TMEM132C: variants seen among roughly 807,000 people sequenced by gnomAD.
TMEM132C encodes transmembrane protein 132C.
A neutral mutation model predicts 61.4 loss-of-function variants in TMEM132C; 29 were observed. The observed-to-expected ratio is 0.47, with a 90% CI of 0.35 to 0.64. TMEM132C has a LOEUF of 0.64. Among genes scored for constraint, TMEM132C ranks in the 30% least tolerant of loss-of-function variants. TMEM132C has a pLI of 0.00. For synonymous variants in TMEM132C, 656 were observed against 633.1 expected, an observed-to-expected ratio of 1.04 and a Z score of -0.54; for missense variants, 1,408 against 1,476.9, an observed-to-expected ratio of 0.95 and a Z score of 0.76.
intron 1 of TMEM132C, among the ~76,000 whole-genome samples, chr12:128,367,062 A>G (rs1288113142): frequency 1.3e-5 from 2 of 152,234 alleles, no homozygotes; most frequent in East Asian, 3.9e-4. Flanking sequence ...ATGGAACCAG[A>G]CTTGGGAAGA....
chr12:128,608,353 A>T (rs998829179), intron 3 of TMEM132C, among the ~76,000 whole-genome samples: 1 of 152,058 alleles, frequency 6.6e-6, no homozygotes, highest in African/African-American at 2.4e-5. Context: ...ATCTCTTAAG[A>T]CTCCCAACAG....
chr12:128,622,887 C>T (rs1953981302), intron 4 of TMEM132C, among the ~76,000 whole-genome samples: 1 of 152,122 alleles, frequency 6.6e-6, no homozygotes, highest in African/African-American at 2.4e-5. Flanking sequence ...TTGTAACTCT[C>T]TAAGAGAATT....
chr12:128,337,640 C>T (rs117960940), intron 1 of TMEM132C, among the ~76,000 whole-genome samples: 1,612 of 152,218 alleles, frequency 0.011, 29 homozygotes, highest in East Asian at 0.033. Flanking sequence ...GTTGCAAACC[C>T]GGGGAGGTCT....
intron 3 of TMEM132C, among the ~76,000 whole-genome samples, chr12:128,581,270 ATT>A (rs1875326043): frequency 6.7e-6 from 1 of 150,302 alleles, no homozygotes; most frequent in Admixed American, 6.6e-5. Context: ...TTTTTTTTTA[ATT>A]TTTCCTTTTA....
chr12:128,333,992 G>A (rs1165636423), intron 1 of TMEM132C, among the ~76,000 whole-genome samples: 1 of 151,998 alleles, frequency 6.6e-6, no homozygotes, highest in Non-Finnish European at 1.5e-5. Flanking sequence ...TGGTGTGTGT[G>A]TGCATGCATG....
At chr12:128,359,004 A>G (rs1873608637) in intron 1 of TMEM132C, among the ~76,000 whole-genome samples, 1 of 152,168 alleles carries the variant, frequency 6.6e-6, no homozygotes. Context: ...ACATCAACAC[A>G]TCCAGTGCTC....
chr12:128,705,873 C>G lies in TMEM132C; in HGVS notation c.2905C>G (p.His969Asp). ...AGGTCAGGCCTCCATGACCCACTCT[C>G]ACGACTGGGTGTGGCTTGGCAATGA... is the stretch of plus-strand genomic sequence containing the variant. ...LEGQASMTHS[H>D]DWVWLGNEAE... Residue 969 changes from histidine (H) to aspartate (D), a missense_variant, in exon 9 of 9, where the codon CAC (histidine) becomes GAC (aspartate). Physicochemically the swap from His to Asp is moderately conservative, Grantham distance 81 (BLOSUM62 -1). Coordinates refer to ENST00000435159, the MANE Select transcript of TMEM132C (RefSeq NM_001136103.3). 2 of 1,551,658 alleles carry G rather than the reference C, an allele frequency of 1.3e-6. No individual in the cohort carries two copies. The highest frequency in any genetic ancestry group is 1.7e-6 in the Non-Finnish European group (2 of 1,147,020).
chr12:128,524,975 G>A (rs1267881618), intron 2 of TMEM132C, among the ~76,000 whole-genome samples: 1 of 152,204 alleles, frequency 6.6e-6, no homozygotes, highest in Non-Finnish European at 1.5e-5. Flanking sequence ...GCCCACTGTA[G>A]CAGTTGTTGA....
chr12:128,607,264 G>A (rs1053915526), intron 3 of TMEM132C, among the ~76,000 whole-genome samples: 1 of 152,176 alleles, frequency 6.6e-6, no homozygotes, highest in African/African-American at 2.4e-5. Context: ...GGAGGAGAAT[G>A]AGCAAGGGGA....
At chr12:128,328,817 A>C (rs1872597016) in intron 1 of TMEM132C, among the ~76,000 whole-genome samples, 1 of 151,214 alleles carries the variant, frequency 6.6e-6, no homozygotes, top group Non-Finnish European at 1.5e-5. Flanking sequence ...AAAAGGCTAA[A>C]GCCGCAATTA....
chr12:128,496,072 T>A lies in TMEM132C; in HGVS notation c.975-47885T>A, dbSNP rs1012337534. On this transcript the variant is annotated intron_variant, in intron 2 of 8. Transcript: ENST00000435159. ...GCATTTGCTTGTCTGTAAAGTATTT[T>A]ATTTCTCCTTCACTTATGAAGCTTA... Among the ~76,000 whole-genome samples, 123 of 152,026 alleles carry A rather than the reference T, an allele frequency of 8.1e-4. 2 individuals carry two copies. Among genetic ancestry groups the A allele is most frequent in the Admixed American group, 7.9e-3 (121 of 15,282 alleles).
At chr12:128,330,534 C>T (rs1046050236) in intron 1 of TMEM132C, among the ~76,000 whole-genome samples, 16 of 152,164 alleles carry the variant, frequency 1.1e-4, no homozygotes, top group African/African-American at 2.9e-4. Context: ...GCCTGGGCAA[C>T]AGAGCGAGAC....
At position 128,414,935 on chromosome 12, in the gene TMEM132C, G is replaced by T; in HGVS notation, c.289G>T (p.Ala97Ser). 1.3e-6 allele frequency: 2 copies of T among 1,551,746 alleles called. No individual in the cohort carries two copies. The highest frequency in any genetic ancestry group is 8.7e-7 in the Non-Finnish European group (1 of 1,147,028). ...AACCAGGCAGCCCCCAGTGCTCAAT[G>T]CCAGCTATGGACCCTTTTCTGTGGA... ...YKTRQPPVLN[A>S]SYGPFSVEKV... is the part of the protein sequence containing the mutation. Residue 97 changes from alanine to serine, a missense_variant, in exon 2 of 9, where the codon GCC becomes TCC. Coordinates refer to ENST00000435159, the MANE Select transcript of TMEM132C (RefSeq NM_001136103.3).
chr12:128,538,129 T>C (rs554159293), intron 2 of TMEM132C, among the ~76,000 whole-genome samples: 135 of 46,672 alleles, frequency 2.9e-3, no homozygotes, highest in African/African-American at 4.8e-3. Flanking sequence ...GTAGTAGTAG[T>C]AGTATTTTGA....
chr12:128,438,807 G>A (rs1001000403), intron 2 of TMEM132C: 1 of 152,152 alleles, frequency 6.6e-6, no homozygotes, highest in Non-Finnish European at 1.5e-5. Flanking sequence ...TCTGCTTTCT[G>A]CCTCTGGATT....
chr12:128,649,655 T>A (rs894318161), intron 4 of TMEM132C, among the ~76,000 whole-genome samples: 1 of 152,244 alleles, frequency 6.6e-6, no homozygotes, highest in African/African-American at 2.4e-5. Flanking sequence ...GTTATCACTT[T>A]GGAGAAGTAT....
rs1377966253 is a variant in TMEM132C at position 128,705,766 on chromosome 12, T to A, written c.2798T>A (p.Val933Glu). Reference protein sequence around the residue: ...LEIGMYALLGVFCLAILVFLI... With the variant: ...LEIGMYALLGEFCLAILVFLI... Reference sequence around the variant, plus strand: ...ATAGGGATGTACGCCCTCCTGGGGGTGTTCTGCCTGGCCATCCTCGTCTTC... The same window carrying A: ...ATAGGGATGTACGCCCTCCTGGGGGAGTTCTGCCTGGCCATCCTCGTCTTC... Residue 933 changes from valine (V) to glutamate (E), a missense_variant, in exon 9 of 9, where the codon GTG becomes GAG. Val to Glu is a moderately radical substitution (Grantham distance 121). Transcript: ENST00000435159. The A allele has an allele frequency of 6.4e-7, 1 of 1,550,986 alleles. No individual in the cohort carries two copies. The highest frequency in any genetic ancestry group is 8.7e-7 in the Non-Finnish European group (1 of 1,146,972).
chr12:128,582,845 G>T (rs1875395904), intron 3 of TMEM132C, among the ~76,000 whole-genome samples: 1 of 152,088 alleles, frequency 6.6e-6, no homozygotes, highest in Admixed American at 6.5e-5. Context: ...AAAAATCTTA[G>T]CTCACTGCAG....
intron 2 of TMEM132C, among the ~76,000 whole-genome samples, chr12:128,465,258 G>T (rs1870691157): frequency 6.6e-6 from 1 of 151,184 alleles, no homozygotes; most frequent in South Asian, 2.1e-4. Flanking sequence ...GAGTGCCATG[G>T]TGCCATCTCA....
Sources: allele counts gnomAD v4.1 joint callset (sites outside exome capture counted in the v4.1 genomes callset), GRCh38; gene constraint gnomAD v4.1.1; transcripts MANE v1.5; gene names NCBI Gene and HGNC (gene_info 2026-07-23, HGNC 2026-07-21).